Variants in PLEKHM3 observed in about 807,000 individuals in gnomAD.
PLEKHM3 encodes the protein pleckstrin homology domain-containing family M member 3.
Under a neutral mutation model 81.8 loss-of-function variants are expected in PLEKHM3, and 45 were observed. The observed-to-expected ratio is 0.55, with a 90% CI of 0.43 to 0.71. PLEKHM3 has a LOEUF of 0.71. PLEKHM3 is among the 30% of genes least tolerant of loss of function. The pLI is 0.00. For missense variants in PLEKHM3, 788 were observed against 924.3 expected (o/e 0.85, Z 1.91); for synonymous variants, 352 against 356.4 (o/e 0.99, Z 0.14).
At chr2:207,842,826 G>T (rs977100257) in intron 7 of PLEKHM3, among the ~76,000 whole-genome samples, 1 of 152,146 alleles carries the variant, frequency 6.6e-6, no homozygotes, top group African/African-American at 2.4e-5. Flanking sequence ...ACAGAAATAT[G>T]ATAGAGAAGG....
In PLEKHM3 at chr2:207,956,249, G is replaced by A. The variant is rs564632946; in HGVS notation, c.1547-9737C>T. On this transcript the variant is annotated intron_variant, in intron 3 of 7. Transcript: ENST00000427836. ...TGGGAGGCTAAGGCAGGCAGATCACGAGGTCAGGAGTTTGAGACCAGCCTG... is the reference window on the plus strand; with the variant it reads ...TGGGAGGCTAAGGCAGGCAGATCACAAGGTCAGGAGTTTGAGACCAGCCTG... Among the ~76,000 whole-genome samples, 212 of 152,190 alleles carry A rather than the reference G, an allele frequency of 1.4e-3. 1 individual carries two copies. Among genetic ancestry groups the A allele is most frequent in the Middle Eastern group, 0.01 (3 of 294 alleles).
At position 208,001,400 on chromosome 2, in the gene PLEKHM3, G is replaced by A. The variant is rs1559278181; in HGVS notation, c.240C>T (p.Leu80=). Residue 80 remains leucine, a synonymous_variant, in exon 2 of 8, where the codon CTC becomes CTT. Transcript: ENST00000427836. ...GMIWDHCKSR[L]LETKAQNVFP... ...AGACATTTTGAGCTTTGGTTTCTAAGAGCCTGCTCTTACAGTGGTCCCAAA... is the reference window on the plus strand; with the variant it reads ...AGACATTTTGAGCTTTGGTTTCTAAAAGCCTGCTCTTACAGTGGTCCCAAA... 2 of 1,614,048 alleles carry A rather than the reference G, an allele frequency of 1.2e-6. No homozygotes were observed. Among genetic ancestry groups the A allele is most frequent in the African/African-American group, 1.3e-5 (1 of 74,904 alleles).
At chr2:208,002,908 G>GAA (rs78655253) in intron 1 of PLEKHM3, among the ~76,000 whole-genome samples, 1 of 136,050 alleles carries the variant, frequency 7.4e-6, no homozygotes. Context: ...CTTTTACCAG[G>GAA]AAAAAAAAAA....
chr2:207,833,728 T>G (rs1319484927), intron 7 of PLEKHM3, among the ~76,000 whole-genome samples: 1 of 152,190 alleles, frequency 6.6e-6, no homozygotes. Context: ...CAAATGCCTC[T>G]GCGGGCAAAA....
chr2:207,996,142 C>T (rs556500977), intron 2 of PLEKHM3, among the ~76,000 whole-genome samples: 15 of 152,198 alleles, frequency 9.9e-5, no homozygotes, highest in South Asian at 4.1e-4. Context: ...ATTCTTCCAA[C>T]GTTAGGGGCA....
At chr2:208,013,707 C>T (rs1271532693) in intron 1 of PLEKHM3, among the ~76,000 whole-genome samples, 1 of 152,166 alleles carries the variant, frequency 6.6e-6, no homozygotes, top group African/African-American at 2.4e-5. Context: ...TCCTGTCCAA[C>T]AGAAGGCCTT....
intron 4 of PLEKHM3, among the ~76,000 whole-genome samples, chr2:207,937,899 T>C (rs950207151): frequency 6.6e-6 from 1 of 152,184 alleles, no homozygotes; most frequent in African/African-American, 2.4e-5. Flanking sequence ...GGAGGAGAAA[T>C]TAGGAAACCT....
At chr2:207,996,783 T>A (rs186674218) in intron 2 of PLEKHM3, among the ~76,000 whole-genome samples, 1 of 152,168 alleles carries the variant, frequency 6.6e-6, no homozygotes, top group African/African-American at 2.4e-5. Flanking sequence ...GCCCATTTTA[T>A]AACAAAAAAA....
intron 2 of PLEKHM3, among the ~76,000 whole-genome samples, chr2:207,993,718 T>C (rs2106074500): frequency 6.6e-6 from 1 of 152,252 alleles, no homozygotes; most frequent in East Asian, 1.9e-4. Context: ...AAAGCCCAGT[T>C]GACCACTGCC....
intron 5 of PLEKHM3, among the ~76,000 whole-genome samples, chr2:207,913,814 A>G (rs1574400312): frequency 6.6e-6 from 1 of 152,270 alleles, no homozygotes; most frequent in East Asian, 1.9e-4. Context: ...TGAAGACACA[A>G]AAGTAGAGAT....
intron 4 of PLEKHM3, among the ~76,000 whole-genome samples, chr2:207,943,678 C>G (rs1690019159): frequency 6.6e-6 from 1 of 151,808 alleles, no homozygotes; most frequent in Non-Finnish European, 1.5e-5. Flanking sequence ...ACCATCCCGG[C>G]TAGAACGGTG....
chr2:207,931,072 C>A lies in PLEKHM3; in HGVS notation c.1740G>T (p.Pro580=), dbSNP rs765327722. The change falls in exon 5 of 8, where the codon CCG becomes CCT. Residue 580 remains proline, a synonymous_variant. Transcript: ENST00000427836. The part of the protein sequence containing the change: ...KEFLEYVYEE[P]LIDIQQENAM... ...CGTTCTCCTGCTGGATGTCGATGAG[C>A]GGCTCTTCGTACACGTACTCCAGAA... 10 of 1,613,948 alleles carry A rather than the reference C, an allele frequency of 6.2e-6. No individual in the cohort carries two copies. Among genetic ancestry groups the A allele is most frequent in the Non-Finnish European group, 8.5e-6 (10 of 1,179,862 alleles).
At chr2:207,979,034 G>A (rs560948254) in intron 2 of PLEKHM3, among the ~76,000 whole-genome samples, 31 of 152,192 alleles carry the variant, frequency 2.0e-4, no homozygotes, top group African/African-American at 3.6e-4. Flanking sequence ...TACTTAATAA[G>A]TACTTGTTGA....
chr2:207,866,653 A>T (rs919655689), intron 6 of PLEKHM3, among the ~76,000 whole-genome samples: 1 of 152,154 alleles, frequency 6.6e-6, no homozygotes, highest in African/African-American at 2.4e-5. Flanking sequence ...TCCTGTTGTG[A>T]GCAAATTTTC....
At chr2:207,916,841 T>G (rs1053046922) in intron 5 of PLEKHM3, among the ~76,000 whole-genome samples, 18 of 152,218 alleles carry the variant, frequency 1.2e-4, no homozygotes, top group African/African-American at 3.9e-4. Context: ...TTGAAAGATC[T>G]CTGAGTAAAT....
intron 5 of PLEKHM3, among the ~76,000 whole-genome samples, chr2:207,925,336 G>A (rs953000828): frequency 2.0e-5 from 3 of 151,812 alleles, no homozygotes; most frequent in African/African-American, 7.3e-5. Context: ...GAAAGGTGTG[G>A]CAATTCCCTG....
chr2:207,855,179 C>T (rs2092431352), intron 7 of PLEKHM3, among the ~76,000 whole-genome samples: 1 of 151,984 alleles, frequency 6.6e-6, no homozygotes, highest in Non-Finnish European at 1.5e-5. Flanking sequence ...CCTGGTGCAT[C>T]TGGTAGTGCT....
intron 6 of PLEKHM3, among the ~76,000 whole-genome samples, chr2:207,906,177 CT>C (rs1226023300): frequency 1.3e-5 from 2 of 152,184 alleles, no homozygotes; most frequent in Admixed American, 1.3e-4. Flanking sequence ...TTTAAACATA[CT>C]TCTCAAATGA....
intron 3 of PLEKHM3, among the ~76,000 whole-genome samples, chr2:207,960,101 T>C (rs1312315170): frequency 2.0e-5 from 3 of 152,232 alleles, no homozygotes; most frequent in Non-Finnish European, 4.4e-5. Flanking sequence ...AAACTCCTAT[T>C]ATCTGGAACT....
Sources: gnomAD v4.1 joint callset for allele counts (sites outside exome capture counted in the v4.1 genomes callset) on GRCh38, gnomAD v4.1.1 for gene constraint, MANE v1.5 for transcripts, NCBI Gene and HGNC (gene_info 2026-07-23, HGNC 2026-07-21) for gene names.